The following TSBP1 variants were observed in gnomAD, a reference collection of about 807,000 sequenced individuals.
TSBP1 encodes the protein testis-expressed basic protein 1.
A neutral mutation model predicts 68.8 loss-of-function variants in TSBP1; 56 were observed. That is an observed-to-expected ratio of 0.81 (90% CI 0.66 to 1.02). TSBP1 has a LOEUF of 1.02. Among genes scored for constraint, TSBP1 ranks in the 50% least tolerant of loss-of-function variants. TSBP1 has a pLI of 0.00. For missense variants in TSBP1, 502 were observed against 641.2 expected, an observed-to-expected ratio of 0.78 and a Z score of 2.34; for synonymous variants, 171 against 208.7, an observed-to-expected ratio of 0.82 and a Z score of 1.56.
rs1766691465 is a variant in TSBP1 at position 32,314,017 on chromosome 6, C to T, written c.580+1755G>A. Reference sequence around the variant, plus strand: ...CTAGGATCAGGTGTTGAAACCCTACCTTTGTTCCTGAGGCAAAGCTGCTAC... The same window carrying T: ...CTAGGATCAGGTGTTGAAACCCTACTTTTGTTCCTGAGGCAAAGCTGCTAC... On this transcript the variant is annotated intron_variant, in intron 19 of 22. Coordinates refer to ENST00000612031, the Ensembl canonical transcript of TSBP1. This position sits in a 1 kb window ranked among gnomAD's most constrained non-coding sequence, Gnocchi z 4.2. Among the ~76,000 whole-genome samples the T allele has an allele frequency of 6.6e-6, 1 of 151,490 alleles. No homozygotes were observed.
Position 32,316,561 on chromosome 6 carries a change from G to T in TSBP1, c.560-769C>A. On this transcript the variant is annotated intron_variant, in intron 18 of 22. Transcript: ENST00000612031. This position sits in a 1 kb window ranked among gnomAD's most constrained non-coding sequence, Gnocchi z 4.5. ...TCTGTTAAAAGCTCCAATTCTTTAT[G>T]ACTGCATTCTTGGGTAAGTATTTGG... The T allele has an allele frequency of 1.5e-6, 1 of 675,090 alleles. No individual in the cohort carries two copies. Among genetic ancestry groups the T allele is most frequent in the Non-Finnish European group, 2.6e-6 (1 of 384,098 alleles). The allele number at this position is 675,090 out of a possible 1,614,324, so 41.8% of individuals were successfully genotyped here.
chr6:32,331,726 G>T (rs906926895), intron 15 of TSBP1, among the ~76,000 whole-genome samples: 3 of 150,414 alleles, frequency 2.0e-5, no homozygotes, highest in Non-Finnish European at 3.0e-5. Context: ...GACCCCTCCC[G>T]CCTATACCTA....
chr6:32,363,503 T>C (rs1349203250), intron 6 of TSBP1, among the ~76,000 whole-genome samples: 1 of 151,532 alleles, frequency 6.6e-6, no homozygotes, highest in Non-Finnish European at 1.5e-5. Flanking sequence ...TATGCTTTAA[T>C]ATCTTTCTGT....
exon 18 of TSBP1, chr6:32,323,117 T>C: frequency 6.3e-7 from 1 of 1,578,626 alleles, no homozygotes; most frequent in Non-Finnish European, 8.7e-7. Context: ...TTATACTTAC[T>C]TATGGGTGCC....
Position 32,355,720 on chromosome 6 carries a change from G to A in TSBP1, c.218-51C>T, listed in dbSNP as rs185778417. On this transcript the variant is annotated intron_variant, in intron 6 of 22. Transcript: ENST00000612031. ...AAATCAATTTGGATATTCTATTTCTGTAGTTTTGGTATCACTACAGAGGAT... is the reference window on the plus strand; with the variant it reads ...AAATCAATTTGGATATTCTATTTCTATAGTTTTGGTATCACTACAGAGGAT... 1,181 of 1,562,744 alleles carry A rather than the reference G, an allele frequency of 7.6e-4. 1 individual carries two copies. Among genetic ancestry groups the A allele is most frequent in the Middle Eastern group, 4.6e-3 (27 of 5,832 alleles).
At chr6:32,327,077 C>T (rs475909) in intron 16 of TSBP1, among the ~76,000 whole-genome samples, 4,301 of 152,236 alleles carry the variant, frequency 0.028, 170 homozygotes, top group African/African-American at 0.086. Flanking sequence ...GGGTAGTTTC[C>T]GAACTTTATC....
At chr6:32,298,474 G>A (rs1220167582) in intron 22 of TSBP1, among the ~76,000 whole-genome samples, 1 of 152,166 alleles carries the variant, frequency 6.6e-6, no homozygotes, top group African/African-American at 2.4e-5. Context: ...AGCTACTTGG[G>A]AGGCTGAGGC....
At chr6:32,297,901 A>T (rs517630) in intron 22 of TSBP1, among the ~76,000 whole-genome samples, 13,431 of 152,004 alleles carry the variant, frequency 0.088, 867 homozygotes, top group African/African-American at 0.17. Context: ...TCTATTTTTT[A>T]AAAAAAATAG....
At chr6:32,303,492 C>CT (rs59224156) in intron 19 of TSBP1, among the ~76,000 whole-genome samples, 61 of 150,894 alleles carry the variant, frequency 4.0e-4, no homozygotes, top group South Asian at 2.7e-3. Flanking sequence ...CCACATCTGC[C>CT]TTTTTTTTTG....
At chr6:32,322,358 TC>T (rs369816594) in intron 18 of TSBP1, 127 bp downstream of exon 20, 10 of 706,000 alleles carry the variant, frequency 1.4e-5, no homozygotes, top group African/African-American at 5.3e-5. Flanking sequence ...TGACTTGCAG[TC>T]CTAATCTTGA....
Position 32,322,473 on chromosome 6 carries a change from G to A in TSBP1, c.559+644C>T, listed in dbSNP as rs1161318247. 1.9e-6 allele frequency: 3 copies of A among 1,594,072 alleles called. No individual in the cohort carries two copies. Among genetic ancestry groups the A allele is most frequent in the African/African-American group, 2.7e-5 (2 of 74,550 alleles). On this transcript the variant is annotated intron_variant, in intron 18 of 22. Coordinates refer to ENST00000612031, the Ensembl canonical transcript of TSBP1. Reference sequence around the variant, plus strand: ...GTCCCCACATATGACCAGCTGAGAAGTAGAGTACTTACTTGCGGTTCTCTG... The same window carrying A: ...GTCCCCACATATGACCAGCTGAGAAATAGAGTACTTACTTGCGGTTCTCTG...
intron 15 of TSBP1, 102 bp downstream of exon 16, chr6:32,331,932 T>C (rs1583072570): frequency 1.2e-6 from 1 of 863,980 alleles, no homozygotes; most frequent in East Asian, 2.5e-5. Flanking sequence ...AGAAATATGA[T>C]TTTCAGCTTC....
intron 15 of TSBP1, among the ~76,000 whole-genome samples, chr6:32,331,016 TTCTCAGGAATTACTAAA>T (rs1427645669): frequency 6.6e-6 from 1 of 152,210 alleles, no homozygotes; most frequent in Non-Finnish European, 1.5e-5. Context: ...GAAAATGATT[TTCTCAGGAATTACTAAA>T]TCTCAGTATT....
Position 32,340,587 on chromosome 6 carries a change from T to C in TSBP1, c.350-949A>G, listed in dbSNP as rs1000718536. ...CCTATGTTAGGAGTGACAAGTATACTTGAGTTATGCATATTTAATTTTGAT... is the reference window on the plus strand; with the variant it reads ...CCTATGTTAGGAGTGACAAGTATACCTGAGTTATGCATATTTAATTTTGAT... On this transcript the variant is annotated intron_variant, in intron 9 of 22. Transcript: ENST00000612031. The surrounding 1 kb of genome is among the most constrained non-coding windows in gnomAD (Gnocchi z 4.8). Among the ~76,000 whole-genome samples the C allele has an allele frequency of 4.6e-5, 7 of 152,222 alleles. No homozygotes were observed. Among genetic ancestry groups the C allele is most frequent in the African/African-American group, 1.7e-4 (7 of 41,460 alleles).
intron 18 of TSBP1, 140 bp downstream of exon 20, chr6:32,322,346 G>C: frequency 1.5e-6 from 1 of 648,050 alleles, no homozygotes; most frequent in Non-Finnish European, 2.8e-6. Flanking sequence ...AATCAAAAAG[G>C]TTGACTTGCA....
chr6:32,370,068 C>T, intron 1 of TSBP1, 85 bp from the exon 2 acceptor site: 3 of 787,070 alleles, frequency 3.8e-6, no homozygotes, highest in Non-Finnish European at 6.4e-6. Context: ...TTACTATCCA[C>T]CAGATAGACT....
At position 32,330,693 on chromosome 6, in the gene TSBP1, G is replaced by C. The variant is rs1158500449; in HGVS notation, c.494-84C>G. On this transcript the variant is annotated intron_variant, in intron 15 of 22. Coordinates refer to ENST00000612031, the Ensembl canonical transcript of TSBP1. ...ACACACACTTCTATTTTTTGAGACA[G>C]AGTCTCTCACTCTGTCGCCCAGGCT... 13 of 1,445,918 alleles carry C rather than the reference G, an allele frequency of 9.0e-6. No homozygotes were observed. The African/African-American group carries it at 1.9e-4, about 21-fold the overall frequency. The allele number at this position is 1,445,918 out of a possible 1,614,324, so 89.6% of individuals were successfully genotyped here. A position where few individuals can be genotyped will look rare whatever the true frequency, so the allele number is the denominator to read the frequency against.
intron 18 of TSBP1, among the ~76,000 whole-genome samples, chr6:32,318,321 ACAGT>A (rs1190712188): frequency 5.9e-5 from 9 of 152,148 alleles, no homozygotes. Context: ...GAGGACGTAG[ACAGT>A]CAGGAAAAAT....
rs148925271 is a variant in TSBP1, at chr6:32,315,181, A to G, written c.580+591T>C. On this transcript the variant is annotated intron_variant, in intron 19 of 22. Transcript: ENST00000612031. The surrounding 1 kb of genome is among the most constrained non-coding windows in gnomAD (Gnocchi z 5.4). ...TGTGAAAGGTGCTTTCACGAATTCT[A>G]TATTAAATATCATCATGGTCAACGC... Among the ~76,000 whole-genome samples the G allele has an allele frequency of 8.5e-5, 13 of 152,272 alleles. No individual in the cohort carries two copies. In the East Asian group the frequency reaches 2.3e-3, roughly 27 times the overall value.
Sources: gnomAD v4.1 joint callset for allele counts (sites outside exome capture counted in the v4.1 genomes callset) on GRCh38, gnomAD v4.1.1 for gene constraint, Gnocchi (gnomAD v3.1) non-coding constraint, MANE v1.5 for transcripts, NCBI Gene and HGNC (gene_info 2026-07-23, HGNC 2026-07-21) for gene names.